SLIT2: variants seen among roughly 807,000 people sequenced by gnomAD.
The protein encoded by SLIT2 is slit guidance ligand 2, also known as slit homolog 2 protein.
A neutral mutation model predicts 185.7 loss-of-function variants in SLIT2; 41 were observed. That is an observed-to-expected ratio of 0.22 (90% CI 0.17 to 0.29). The LOEUF is 0.29. Ranked by LOEUF, SLIT2 falls within the 10% of genes least tolerant of loss-of-function variation. SLIT2 has a pLI of 1.00. For synonymous variants in SLIT2, 693 were observed against 680.2 expected (o/e 1.02, Z -0.29); for missense variants, 1,571 against 1,909.0 (o/e 0.82, Z 3.30).
intron 34 of SLIT2, chr4:20,614,982 A>G (rs1298319556): frequency 6.6e-6 from 1 of 152,182 alleles, no homozygotes; most frequent in African/African-American, 2.4e-5. Flanking sequence ...AACAAAAAGG[A>G]ACAGATTTAC....
intron 4 of SLIT2, among the ~76,000 whole-genome samples, chr4:20,418,061 A>T (rs1727843739): frequency 6.6e-6 from 1 of 152,162 alleles, no homozygotes; most frequent in Non-Finnish European, 1.5e-5. Flanking sequence ...GAAGAGGCAG[A>T]GACATTTTCT....
In SLIT2 at chr4:20,353,871, C is replaced by G. The variant is rs564424761; in HGVS notation, c.395+84990C>G. Among the ~76,000 whole-genome samples the G allele has an allele frequency of 7.9e-5, 12 of 152,266 alleles. No individual in the cohort carries two copies. The East Asian group carries it at 1.9e-3, about 24-fold the overall frequency. On this transcript the variant is annotated intron_variant, in intron 4 of 36. Coordinates refer to ENST00000504154, the MANE Select transcript of SLIT2 (RefSeq NM_004787.4). The stretch of plus-strand genomic sequence containing the variant: ...GGATTAGAAGAAATGTTGCAATAAA[C>G]TTTAGGTTATTCTAATCTCAGTTTA...
chr4:20,488,335 T>C (rs1458197489), intron 7 of SLIT2, among the ~76,000 whole-genome samples: 1 of 152,210 alleles, frequency 6.6e-6, no homozygotes, highest in Non-Finnish European at 1.5e-5. Flanking sequence ...TATTATTCTG[T>C]CTTGTTCAGC....
chr4:20,412,412 CCAA>C (rs537235876), intron 4 of SLIT2, among the ~76,000 whole-genome samples: 30 of 152,094 alleles, frequency 2.0e-4, no homozygotes, highest in East Asian at 1.7e-3. Context: ...AATTGTTTTT[CCAA>C]CAACAATTTA....
At chr4:20,551,357 G>A (rs1723735103) in intron 25 of SLIT2, among the ~76,000 whole-genome samples, 1 of 152,112 alleles carries the variant, frequency 6.6e-6, no homozygotes, top group African/African-American at 2.4e-5. Context: ...ATTCAACATG[G>A]TTCGAGACTA....
chr4:20,478,286 T>G (rs2148773594), intron 5 of SLIT2, among the ~76,000 whole-genome samples: 1 of 152,322 alleles, frequency 6.6e-6, no homozygotes, highest in Non-Finnish European at 1.5e-5. Flanking sequence ...GATATAACAG[T>G]ATTCAGAGAA....
At position 20,253,654 on chromosome 4, in the gene SLIT2, G is replaced by GAAAA; in HGVS notation, c.-162_-161insAAAA. The GAAAA allele has an allele frequency of 5.5e-6, 4 of 724,036 alleles. No individual in the cohort carries two copies. The highest frequency in any genetic ancestry group is 2.1e-5 in the South Asian group (1 of 47,118). The allele number at this position is 724,036 out of a possible 1,614,324, so 44.9% of individuals were successfully genotyped here. On this transcript the variant is annotated 5_prime_UTR_variant, in exon 1 of 37. Coordinates refer to ENST00000504154, the MANE Select transcript of SLIT2 (RefSeq NM_004787.4). ...GGCGGTGGGAGGCGTGTGCCTGAGTGGGCTCTACTGCCTTGTTCCATATTA... is the reference window on the plus strand; with the variant it reads ...GGCGGTGGGAGGCGTGTGCCTGAGTGAAAAGGCTCTACTGCCTTGTTCCATATTA...
intron 8 of SLIT2, among the ~76,000 whole-genome samples, chr4:20,489,455 A>G (rs1717577646): frequency 6.6e-6 from 1 of 152,220 alleles, no homozygotes. Flanking sequence ...CAAATATTAA[A>G]TGACCAGCTT....
chr4:20,595,629 G>A, intron 30 of SLIT2, 68 bp from the exon 31 acceptor site: 1 of 1,590,518 alleles, frequency 6.3e-7, no homozygotes, highest in Non-Finnish European at 8.6e-7. Flanking sequence ...ATTGTGTCTA[G>A]ATAAAATGCA....
At chr4:20,378,625 A>T (rs975737233) in intron 4 of SLIT2, among the ~76,000 whole-genome samples, 1 of 152,160 alleles carries the variant, frequency 6.6e-6, no homozygotes, top group African/African-American at 2.4e-5. Context: ...TTCATGAACC[A>T]TTTGATCACC....
intron 4 of SLIT2, among the ~76,000 whole-genome samples, chr4:20,396,796 C>T (rs1255247448): frequency 1.4e-5 from 2 of 146,870 alleles, no homozygotes; most frequent in Non-Finnish European, 3.0e-5. Context: ...TTTTTGTTCT[C>T]ATATATATGA....
rs765050237 is a variant in SLIT2, at chr4:20,539,473, G to C, written c.1865G>C (p.Gly622Ala). ...MLRSNRITCV[G>A]NDSFIGLSSV... is the part of the protein sequence containing the mutation. ...AGAAGCAATCGAATAACCTGTGTGG[G>C]GAATGACAGTTTCATAGGACTCAGT... is the stretch of plus-strand genomic sequence containing the variant. The change falls in exon 19 of 37, where the codon GGG becomes GCG. Residue 622 changes from glycine (G) to alanine (A), a missense_variant. Transcript: ENST00000504154. The C allele has an allele frequency of 1.2e-6, 2 of 1,612,766 alleles. No homozygotes were observed. Among genetic ancestry groups the C allele is most frequent in the African/African-American group, 2.7e-5 (2 of 74,806 alleles).
intron 4 of SLIT2, among the ~76,000 whole-genome samples, chr4:20,455,433 A>G (rs1005645335): frequency 4.6e-5 from 7 of 152,172 alleles, no homozygotes; most frequent in African/African-American, 1.7e-4. Context: ...ACTAAGAAAT[A>G]TTAGACCAAA....
At chr4:20,307,156 C>CCTTCCTTCCTTCCT (rs1553876282) in intron 4 of SLIT2, among the ~76,000 whole-genome samples, 30 of 15,470 alleles carry the variant, frequency 1.9e-3, no homozygotes, top group Admixed American at 0.011. Context: ...CCCTCCCTCC[C>CCTTCCTTCCTTCCT]TCCCTCCTTC....
chr4:20,609,877 A>G, intron 33 of SLIT2, 136 bp from the exon 34 acceptor site: 1 of 711,040 alleles, frequency 1.4e-6, no homozygotes, highest in Non-Finnish European at 2.1e-6. Context: ...AAAAAATTCA[A>G]CTACTCGTCT....
At chr4:20,269,103 T>C (rs1713333133) in intron 4 of SLIT2, among the ~76,000 whole-genome samples, 1 of 151,836 alleles carries the variant, frequency 6.6e-6, no homozygotes, top group Non-Finnish European at 1.5e-5. Context: ...GTTATGGAAA[T>C]TGGATTATTA....
chr4:20,318,348 GC>G (rs1718774374), intron 4 of SLIT2, among the ~76,000 whole-genome samples: 1 of 152,118 alleles, frequency 6.6e-6, no homozygotes, highest in African/African-American at 2.4e-5. Flanking sequence ...AGCTGAATTT[GC>G]ATTTCTTATT....
intron 4 of SLIT2, among the ~76,000 whole-genome samples, chr4:20,427,787 C>T (rs1209412370): frequency 1.3e-5 from 2 of 150,668 alleles, no homozygotes; most frequent in Non-Finnish European, 2.9e-5. Flanking sequence ...TGCTTTTTCT[C>T]TTCAGGTCTT....
intron 11 of SLIT2, among the ~76,000 whole-genome samples, chr4:20,517,430 C>G (rs992302231): frequency 2.0e-5 from 3 of 152,078 alleles, no homozygotes; most frequent in Non-Finnish European, 4.4e-5. Context: ...TTTGTGTTTC[C>G]TAATGCCCTC....
Sources: allele counts gnomAD v4.1 joint callset (sites outside exome capture counted in the v4.1 genomes callset), GRCh38; gene constraint gnomAD v4.1.1; transcripts MANE v1.5; gene names NCBI Gene and HGNC (gene_info 2026-07-23, HGNC 2026-07-21).